ILDR2: variants seen among roughly 807,000 people sequenced by gnomAD.
ILDR2 encodes immunoglobulin-like domain-containing receptor 2.
In ILDR2, 25 loss-of-function variants were observed where a neutral mutation model predicts 66.8. The observed-to-expected ratio is 0.37, with a 90% CI of 0.27 to 0.52. The LOEUF is 0.52. Among genes scored for constraint, ILDR2 ranks in the 20% least tolerant of loss-of-function variants. ILDR2 has a pLI of 0.88. For missense variants in ILDR2, 827 were observed against 876.8 expected (o/e 0.94, Z 0.72); for synonymous variants, 367 against 357.2 (o/e 1.03, Z -0.31).
In ILDR2 at chr1:166,922,606, T is replaced by G. The variant is rs1158620961; in HGVS notation, c.1198A>C (p.Ser400Arg). The part of the protein sequence containing the change: ...AMEYNKEDRE[S>R]FRHSQPRSKS... The stretch of plus-strand genomic sequence containing the variant: ...CACAGCCATCACCTGTGCCTGAAGC[T>G]CTCTCGATCCTCTTTGTTATACTCC... Residue 400 changes from serine to arginine, a missense_variant, in exon 8 of 10, where the codon AGC (serine) becomes CGC (arginine). Ser to Arg is a moderately radical substitution (Grantham distance 110). Coordinates refer to ENST00000271417, the MANE Select transcript of ILDR2 (RefSeq NM_199351.3). 6.2e-7 allele frequency: 1 copy of G among 1,613,768 alleles called. No individual in the cohort carries two copies. The highest frequency in any genetic ancestry group is 2.2e-5 in the East Asian group (1 of 44,872).
intron 5 of ILDR2, among the ~76,000 whole-genome samples, chr1:166,935,756 T>G (rs1660936162): frequency 6.6e-6 from 1 of 152,118 alleles, no homozygotes; most frequent in Admixed American, 6.5e-5. Context: ...CACAGCAGCA[T>G]CCCCAGTGAC....
intron 2 of ILDR2, among the ~76,000 whole-genome samples, chr1:166,902,769 G>T (rs976570985): frequency 6.6e-6 from 1 of 152,170 alleles, no homozygotes; most frequent in East Asian, 1.9e-4. Context: ...GCCAGTTTAT[G>T]TCAAGTTTTC....
chr1:166,946,604 C>A (rs1047752276), intron 3 of ILDR2, among the ~76,000 whole-genome samples: 1 of 152,158 alleles, frequency 6.6e-6, no homozygotes, highest in African/African-American at 2.4e-5. Context: ...GTCATCTAGT[C>A]CATATTCTAC....
chr1:166,916,956 A>G lies in ILDR2; in HGVS notation c.*2399T>C, dbSNP rs953774257. The G allele has an allele frequency of 1.3e-5, 2 of 152,218 alleles. No individual in the cohort carries two copies. The highest frequency in any genetic ancestry group is 2.4e-5 in the African/African-American group (1 of 41,454). The allele number at this position is 152,218 out of a possible 1,614,324, so 9.4% of individuals were successfully genotyped here. On this transcript the variant is annotated 3_prime_UTR_variant, in exon 10 of 10. Transcript: ENST00000271417. ...GCTCTTTGGTGGTGAAAAGCCTGACACAGTGCTCAGTATAAAGCGATAATA... is the reference window on the plus strand; with the variant it reads ...GCTCTTTGGTGGTGAAAAGCCTGACGCAGTGCTCAGTATAAAGCGATAATA...
At chr1:166,902,641 C>G (rs377750044) in intron 2 of ILDR2, among the ~76,000 whole-genome samples, 1 of 152,224 alleles carries the variant, frequency 6.6e-6, no homozygotes, top group South Asian at 2.1e-4. Flanking sequence ...GAAGCTTAAA[C>G]TTGAATGGCA....
At chr1:166,971,653 G>T (rs992851287) in intron 1 of ILDR2, among the ~76,000 whole-genome samples, 1 of 152,090 alleles carries the variant, frequency 6.6e-6, no homozygotes, top group Non-Finnish European at 1.5e-5. Context: ...GTAGAGATGA[G>T]GTTTCACTGT....
chr1:166,935,833 C>T (rs1407722161), intron 5 of ILDR2, among the ~76,000 whole-genome samples: 23 of 152,202 alleles, frequency 1.5e-4, no homozygotes, highest in Admixed American at 1.1e-3. Context: ...CAGCCTAGCA[C>T]AGGGACTGCC....
chr1:166,960,887 C>A lies in ILDR2; in HGVS notation c.47-2786G>T, dbSNP rs145819593. On this transcript the variant is annotated intron_variant, in intron 1 of 9. Transcript: ENST00000271417. ...AAATTCTAGCGCATTAATTTTTTAA[C>A]CTTGTAATTATTCTTCAAATAGTTA... Among the ~76,000 whole-genome samples the A allele has an allele frequency of 2.4e-3, 364 of 152,264 alleles. 1 individual carries two copies. The highest frequency in any genetic ancestry group is 8.4e-3 in the African/African-American group (350 of 41,540).
At position 166,956,786 on chromosome 1, in the gene ILDR2, G is replaced by C. The variant is rs936217384; in HGVS notation, c.446C>G (p.Thr149Ser). ...DSGLYYCIIT[T>S]PDDLEGKNED... The stretch of plus-strand genomic sequence containing the variant: ...ATTTTTCCCCTCCAGGTCATCTGGG[G>C]TGGTGATAATACAGTAATAGAGTCC... Residue 149 changes from threonine to serine, a missense_variant, in exon 3 of 10, where the codon ACC becomes AGC. Thr to Ser is a moderately conservative substitution (Grantham distance 58). Around this residue, in one of 2 missense-constraint regions of ILDR2, gnomAD observed 437 missense variants for 523.2 expected, o/e 0.84. Transcript: ENST00000271417. The C allele has an allele frequency of 6.2e-7, 1 of 1,613,902 alleles. No homozygotes were observed. The highest frequency in any genetic ancestry group is 8.5e-7 in the Non-Finnish European group (1 of 1,179,924).
rs138425082 is a variant in ILDR2, at chr1:166,974,608, C to G, written c.46+615G>C. ...GCTTTCTAATTATCATTTGGGACCA[C>G]TCCCCAAATGATACCAAGTAAGAGA... is the stretch of plus-strand genomic sequence containing the variant. On this transcript the variant is annotated intron_variant, in intron 1 of 9. Transcript: ENST00000271417. Among the ~76,000 whole-genome samples the G allele has an allele frequency of 9.9e-5, 15 of 152,238 alleles. No individual in the cohort carries two copies. The East Asian group carries it at 2.7e-3, about 27-fold the overall frequency.
intron 9 of ILDR2, 37 bp downstream of exon 9, chr1:166,920,670 A>G: frequency 7.4e-7 from 1 of 1,346,280 alleles, no homozygotes; most frequent in South Asian, 2.1e-5. Context: ...GCTCCCGCTC[A>G]GTCCCCTCGG....
Position 166,935,328 on chromosome 1 carries a change from T to G in ILDR2, c.853A>C (p.Ser285Arg), listed in dbSNP as rs753653569. 3.1e-6 allele frequency: 5 copies of G among 1,613,930 alleles called. No individual in the cohort carries two copies. The African/African-American group carries it at 6.7e-5, about 22-fold the overall frequency. The change falls in exon 6 of 10, where the codon AGT becomes CGT. Residue 285 changes from serine (S) to arginine (R), a missense_variant. Around this residue, in one of 2 missense-constraint regions of ILDR2, gnomAD observed 437 missense variants for 523.2 expected, o/e 0.84. Transcript: ENST00000271417. ...CTGTGGCTTCCTCCAGTGGAGTCACTTGGTGCCAAGGGAGGTGGATGCGGC... is the reference window on the plus strand; with the variant it reads ...CTGTGGCTTCCTCCAGTGGAGTCACGTGGTGCCAAGGGAGGTGGATGCGGC... ...DKPHPPPLAPSDSTGGSHSVR... is the reference protein window; with the variant it reads ...DKPHPPPLAPRDSTGGSHSVR...
chr1:166,920,692 C>T lies in ILDR2; in HGVS notation c.1884+15G>A, dbSNP rs777141151. 1.5e-6 allele frequency: 2 copies of T among 1,376,126 alleles called. No homozygotes were observed. Among genetic ancestry groups the T allele is most frequent in the South Asian group, 1.8e-5 (1 of 54,504 alleles). 85.2% of individuals were successfully genotyped at this position (1,376,126 alleles called of 1,614,324 possible). A position where few individuals can be genotyped will look rare whatever the true frequency, so the allele number is the denominator to read the frequency against. On this transcript the variant is annotated intron_variant, in intron 9 of 9. Transcript: ENST00000271417. The stretch of plus-strand genomic sequence containing the variant: ...CTCAGTCCCCTCGGAGGAGGGGAGG[C>T]AGACGCAGTCTCACGGTTTTCTTGG...
Position 166,920,793 on chromosome 1 carries a change from T to C in ILDR2, c.1798A>G (p.Thr600Ala), listed in dbSNP as rs879831075. ...ALPPYSELELTRGPSYRGRDL... is the reference protein window; with the variant it reads ...ALPPYSELELARGPSYRGRDL... Reference sequence around the variant, plus strand: ...CGGCCGCGGTAGGACGGGCCGCGGGTCAGCTCCAGCTCGCTGTAGGGCGGC... The same window carrying C: ...CGGCCGCGGTAGGACGGGCCGCGGGCCAGCTCCAGCTCGCTGTAGGGCGGC... Residue 600 changes from threonine (T) to alanine (A), a missense_variant, in exon 9 of 10, where the codon ACC becomes GCC. Transcript: ENST00000271417. 1.2e-5 allele frequency: 18 copies of C among 1,530,092 alleles called. No homozygotes were observed. Among genetic ancestry groups the C allele is most frequent in the Non-Finnish European group, 1.3e-5 (15 of 1,139,804 alleles). The allele number at this position is 1,530,092 out of a possible 1,614,324, so 94.8% of individuals were successfully genotyped here.
At chr1:166,923,364 A>G (rs990832686) in intron 7 of ILDR2, among the ~76,000 whole-genome samples, 2 of 152,226 alleles carry the variant, frequency 1.3e-5, no homozygotes, top group Non-Finnish European at 2.9e-5. Flanking sequence ...CAGAGCAGGA[A>G]GTCCACAGAA....
intron 3 of ILDR2, among the ~76,000 whole-genome samples, chr1:166,948,828 G>C (rs1157472276): frequency 6.6e-6 from 1 of 152,212 alleles, no homozygotes; most frequent in Admixed American, 6.5e-5. Flanking sequence ...TGAAACGCTG[G>C]CGATGTGGTG....
At chr1:166,967,128 G>A (rs773319797) in intron 1 of ILDR2, among the ~76,000 whole-genome samples, 1 of 152,198 alleles carries the variant, frequency 6.6e-6, no homozygotes, top group Non-Finnish European at 1.5e-5. Context: ...ACTAGGCTCA[G>A]GACAAAGGTA....
chr1:166,955,312 ATAT>A (rs1662214153), intron 3 of ILDR2, among the ~76,000 whole-genome samples: 1 of 152,192 alleles, frequency 6.6e-6, no homozygotes, highest in African/African-American at 2.4e-5. Flanking sequence ...AATTTACAAA[ATAT>A]TATGAGGCTG....
At position 166,924,563 on chromosome 1, in the gene ILDR2, C is replaced by T. The variant is rs79730506; in HGVS notation, c.995-1754G>A. On this transcript the variant is annotated intron_variant, in intron 7 of 9. Coordinates refer to ENST00000271417, the MANE Select transcript of ILDR2 (RefSeq NM_199351.3). ...AATGTAACTCTAGGATAGGGGTAAGCAAACTTCGTTTTGTAAAGGGCCAGA... is the reference window on the plus strand; with the variant it reads ...AATGTAACTCTAGGATAGGGGTAAGTAAACTTCGTTTTGTAAAGGGCCAGA... Among the ~76,000 whole-genome samples the T allele has an allele frequency of 7.6e-3, 1,150 of 152,300 alleles. 11 individuals are homozygous for T. The highest frequency in any genetic ancestry group is 0.016 in the Admixed American group (244 of 15,300).
Sources: gnomAD v4.1 joint callset for allele counts (sites outside exome capture counted in the v4.1 genomes callset) on GRCh38, gnomAD v4.1.1 for gene constraint, gnomAD v4.1.1 regional missense constraint, MANE v1.5 for transcripts, NCBI Gene and HGNC (gene_info 2026-07-23, HGNC 2026-07-21) for gene names.